Variants in PDXDC1 observed in about 807,000 individuals in gnomAD.
The protein encoded by PDXDC1 is pyridoxal-dependent decarboxylase domain-containing protein 1.
A neutral mutation model predicts 100.1 loss-of-function variants in PDXDC1; 42 were observed. The ratio of observed to expected loss-of-function variants is 0.42; its 90% CI spans 0.33 to 0.54. PDXDC1 has a LOEUF of 0.54. PDXDC1 is among the 20% of genes least tolerant of loss of function. The pLI is 0.10. For missense variants in PDXDC1, 636 were observed against 979.2 expected, an observed-to-expected ratio of 0.65 and a Z score of 4.68; for synonymous variants, 260 against 371.7, an observed-to-expected ratio of 0.70 and a Z score of 3.46.
chr16:14,986,145 T>A (rs1567614887), intron 1 of PDXDC1, among the ~76,000 whole-genome samples: 1 of 152,084 alleles, frequency 6.6e-6, no homozygotes, highest in Admixed American at 6.6e-5. Context: ...GTATGAATAG[T>A]AGGGCTTGTT....
Position 14,990,249 on chromosome 16 carries a change from G to C in PDXDC1, c.22-7504G>C, listed in dbSNP as rs1466576694. On this transcript the variant is annotated intron_variant, in intron 1 of 22. Transcript: ENST00000396410. ...CCCGGCCGCCCGTGCCTCACTGCCC[G>C]GCCCAGACCGCGGCGCCCACCCCGG... is the stretch of plus-strand genomic sequence containing the variant. 8.5e-6 allele frequency: 6 copies of C among 705,434 alleles called. No individual in the cohort carries two copies. The Admixed American group carries it at 1.9e-4, about 22-fold the overall frequency. 43.7% of individuals were successfully genotyped at this position (705,434 alleles called of 1,614,324 possible).
intron 16 of PDXDC1, among the ~76,000 whole-genome samples, chr16:15,126,133 C>G (rs1195757812): frequency 1.3e-5 from 2 of 151,914 alleles, no homozygotes; most frequent in Non-Finnish European, 2.9e-5. Flanking sequence ...CTCCCGCGTT[C>G]AGGCGATTGT....
chr16:15,141,574 C>T (rs2048476027), downstream of PDXDC1, among the ~76,000 whole-genome samples: 1 of 152,180 alleles, frequency 6.6e-6, no homozygotes, highest in African/African-American at 2.4e-5. Context: ...GATCTGGGGG[C>T]CAGGCACACA....
chr16:15,057,504 C>T (rs2280017), intron 16 of PDXDC1, among the ~76,000 whole-genome samples: 76,285 of 152,012 alleles, frequency 0.5, 21,301 homozygotes, highest in Admixed American at 0.64. Context: ...AAAGGCAGTG[C>T]TCTCCATCAC....
rs575433954 is a variant in PDXDC1, at chr16:15,016,306, T to C, written c.812+93T>C. 57 of 1,548,904 alleles carry C rather than the reference T, an allele frequency of 3.7e-5. No individual in the cohort carries two copies. The East Asian group carries it at 1.1e-3, about 30-fold the overall frequency. On this transcript the variant is annotated intron_variant, in intron 9 of 22. Transcript: ENST00000396410. Reference sequence around the variant, plus strand: ...CAGGCTCTCACTTTGGTGACATTTATCACGAAGGGCTCTTTGGGTCACAGA... The same window carrying C: ...CAGGCTCTCACTTTGGTGACATTTACCACGAAGGGCTCTTTGGGTCACAGA...
chr16:15,036,508 T>G lies in PDXDC1; in HGVS notation c.*233T>G, dbSNP rs1947840270. 1 of 542,816 alleles carries G rather than the reference T, an allele frequency of 1.8e-6. No homozygotes were observed. Among genetic ancestry groups the G allele is most frequent in the African/African-American group, 1.9e-5 (1 of 53,128 alleles). The allele number at this position is 542,816 out of a possible 1,614,324, so 33.6% of individuals were successfully genotyped here. Reference sequence around the variant, plus strand: ...TGTCCTACTACGACTTTTCCCTAAGTTACCATAAACACATTTTATTCACAA... The same window carrying G: ...TGTCCTACTACGACTTTTCCCTAAGGTACCATAAACACATTTTATTCACAA... On this transcript the variant is annotated 3_prime_UTR_variant, in exon 23 of 23. Coordinates refer to ENST00000396410, the MANE Select transcript of PDXDC1 (RefSeq NM_015027.4).
At chr16:15,140,281 C>T (rs1374544365), downstream of PDXDC1, among the ~76,000 whole-genome samples, 1 of 148,240 alleles carries the variant, frequency 6.7e-6, no homozygotes, top group Non-Finnish European at 1.5e-5. Flanking sequence ...CCTGTCTCTA[C>T]CAAAACTACA....
chr16:15,013,396 A>T (rs1319446389), intron 8 of PDXDC1, among the ~76,000 whole-genome samples: 1 of 151,676 alleles, frequency 6.6e-6, no homozygotes, highest in Non-Finnish European at 1.5e-5. Context: ...ACAGTGACAG[A>T]AGCAGATCAG....
At chr16:15,140,606 A>T (rs1313332063), downstream of PDXDC1, among the ~76,000 whole-genome samples, 1 of 152,158 alleles carries the variant, frequency 6.6e-6, no homozygotes, top group Non-Finnish European at 1.5e-5. Flanking sequence ...GTCAGTGAAG[A>T]AAAGGCAACA....
intron 16 of PDXDC1, chr16:15,137,219 AG>A (rs1401957119): frequency 1.3e-6 from 1 of 752,176 alleles, no homozygotes; most frequent in Non-Finnish European, 2.3e-6. Flanking sequence ...GCCGGAGGCC[AG>A]GGGTCCGTGG....
At chr16:15,057,350 C>A (rs1656943273) in intron 16 of PDXDC1, among the ~76,000 whole-genome samples, 1 of 152,192 alleles carries the variant, frequency 6.6e-6, no homozygotes, top group Non-Finnish European at 1.5e-5. Context: ...AATGTAGGAG[C>A]TACTATCAAC....
Position 15,033,392 on chromosome 16 carries a change from A to G in PDXDC1, c.1805A>G (p.Asn602Ser), listed in dbSNP as rs1435091940. ...GCCACAGCCCGGGAGATAGAGGAGAACTCGAGGGTCCGTAGCACCCATCAG... is the reference window on the plus strand; with the variant it reads ...GCCACAGCCCGGGAGATAGAGGAGAGCTCGAGGGTCCGTAGCACCCATCAG... ...IAATAREIEE[N>S]SRLLENMTEV... Residue 602 changes from asparagine to serine, a missense_variant, in exon 19 of 23, where the codon AAC becomes AGC. Coordinates refer to ENST00000396410, the MANE Select transcript of PDXDC1 (RefSeq NM_015027.4). 5 of 1,613,958 alleles carry G rather than the reference A, an allele frequency of 3.1e-6. No homozygotes were observed. The highest frequency in any genetic ancestry group is 3.3e-5 in the Admixed American group (2 of 60,022).
At chr16:15,038,911 C>T (rs564018653), downstream of PDXDC1, among the ~76,000 whole-genome samples, 51 of 152,320 alleles carry the variant, frequency 3.3e-4, no homozygotes, top group Non-Finnish European at 5.7e-4. Flanking sequence ...AGCAGTCCCA[C>T]AGGACGAGGG....
chr16:15,008,708 C>G (rs1256105888), intron 6 of PDXDC1, 71 bp from the exon 7 acceptor site: 1 of 1,431,516 alleles, frequency 7.0e-7, no homozygotes, highest in Non-Finnish European at 9.7e-7. Flanking sequence ...GTCTTAGAGC[C>G]ACAGCCTTTC....
intron 7 of PDXDC1, chr16:15,009,218 A>T (rs1012633428): frequency 3.5e-5 from 13 of 368,244 alleles, no homozygotes; most frequent in African/African-American, 2.7e-4. Flanking sequence ...GTCATCATGG[A>T]ATTGAGTTCT....
At chr16:15,033,557 A>T (rs1206014411) in intron 19 of PDXDC1, among the ~76,000 whole-genome samples, 158 bp downstream of exon 19, 2 of 152,200 alleles carry the variant, frequency 1.3e-5, no homozygotes, top group Non-Finnish European at 2.9e-5. Context: ...GGTGTCAGAG[A>T]TGCCAAGTAG....
downstream of PDXDC1, among the ~76,000 whole-genome samples, chr16:15,042,512 C>T (rs986828844): frequency 9.2e-5 from 14 of 152,000 alleles, no homozygotes; most frequent in African/African-American, 3.4e-4. Flanking sequence ...TCCTGATTTG[C>T]TTGTGCATAG....
At chr16:15,061,898 A>G (rs984395484) in intron 16 of PDXDC1, 1 of 1,611,132 alleles carries the variant, frequency 6.2e-7, no homozygotes, top group Non-Finnish European at 8.5e-7. Flanking sequence ...TTCATCTTCC[A>G]CTATGTCCTG....
rs141944049 is a variant in PDXDC1, at chr16:15,012,533, T to C, written c.727+2774T>C. Among the ~76,000 whole-genome samples the C allele has an allele frequency of 7.8e-3, 1,186 of 152,290 alleles. 13 individuals are homozygous for C. Among genetic ancestry groups the C allele is most frequent in the African/African-American group, 0.027 (1,128 of 41,486 alleles). ...AGTGAAATGCAAATTAAGATCACCA[T>C]GAGACATTACTACATGTCTGTTAGA... On this transcript the variant is annotated intron_variant, in intron 8 of 22. Coordinates refer to ENST00000396410, the MANE Select transcript of PDXDC1 (RefSeq NM_015027.4).
Sources: gnomAD v4.1 joint callset for allele counts (sites outside exome capture counted in the v4.1 genomes callset) on GRCh38, gnomAD v4.1.1 for gene constraint, MANE v1.5 for transcripts, NCBI Gene and HGNC (gene_info 2026-07-23, HGNC 2026-07-21) for gene names.